The following CDH8 variants were observed in gnomAD, a reference collection of about 807,000 sequenced individuals.
CDH8 encodes cadherin 8.
CDH8 carries 17 observed loss-of-function variants against 68.1 expected under a neutral mutation model. That is an observed-to-expected ratio of 0.25 (90% CI 0.17 to 0.37). The LOEUF is 0.37. Ranked by LOEUF, CDH8 falls within the 10% of genes least tolerant of loss-of-function variation. CDH8 has a pLI of 1.00. For synonymous variants in CDH8, 372 were observed against 365.1 expected (o/e 1.02, Z -0.21); for missense variants, 763 against 999.3 (o/e 0.76, Z 3.19).
intron 2 of CDH8, among the ~76,000 whole-genome samples, chr16:61,935,212 T>C (rs1304846539): frequency 6.6e-6 from 1 of 152,184 alleles, no homozygotes; most frequent in Non-Finnish European, 1.5e-5. Flanking sequence ...CTGATAAATG[T>C]CAAGCTGGGA....
At chr16:61,717,993 G>A (rs1964763022) in intron 9 of CDH8, among the ~76,000 whole-genome samples, 1 of 151,260 alleles carries the variant, frequency 6.6e-6, no homozygotes, top group African/African-American at 2.4e-5. Context: ...ACATACATGT[G>A]TGTATGTACA....
At chr16:61,678,704 A>T (rs1963960351) in intron 10 of CDH8, among the ~76,000 whole-genome samples, 1 of 152,076 alleles carries the variant, frequency 6.6e-6, no homozygotes, top group Non-Finnish European at 1.5e-5. Context: ...TAACAAAAAT[A>T]GCATGATACT....
chr16:61,815,398 G>T (rs116003565), intron 7 of CDH8, among the ~76,000 whole-genome samples: 6,850 of 152,246 alleles, frequency 0.045, 176 homozygotes, highest in Middle Eastern at 0.068. Flanking sequence ...TCAGTAAAAT[G>T]AATAGATTAT....
intron 7 of CDH8, among the ~76,000 whole-genome samples, chr16:61,811,318 G>A (rs754318253): frequency 5.9e-5 from 9 of 152,106 alleles, no homozygotes; most frequent in South Asian, 2.1e-4. Context: ...TGAGTTTTTC[G>A]AAACAGTGTT....
chr16:61,710,355 C>T (rs535345096), intron 10 of CDH8, among the ~76,000 whole-genome samples: 11 of 152,202 alleles, frequency 7.2e-5, no homozygotes, highest in African/African-American at 2.6e-4. Context: ...ATAAATTATA[C>T]TCTATACAGT....
rs186093823 is a variant in CDH8, at chr16:61,942,437, C to T, written c.253-40964G>A. 9.8e-5 allele frequency among the ~76,000 whole-genome samples: 15 copies of T among 152,316 alleles called. No homozygotes were observed. In the East Asian group the frequency reaches 2.5e-3, roughly 25 times the overall value. On this transcript the variant is annotated intron_variant, in intron 2 of 11. Coordinates refer to ENST00000577390, the MANE Select transcript of CDH8 (RefSeq NM_001796.5). ...GCTTGAGCCTAAGAGTTGCAGGTTA[C>T]AGTGAGCTGTAATCCTACATCTGCA...
intron 2 of CDH8, among the ~76,000 whole-genome samples, chr16:61,919,182 G>C (rs892100578): frequency 7.6e-5 from 11 of 145,242 alleles, no homozygotes; most frequent in African/African-American, 2.8e-4. Flanking sequence ...CATCATCAAA[G>C]ACCAAAAGTA....
intron 2 of CDH8, among the ~76,000 whole-genome samples, chr16:62,000,727 C>G (rs1965880589): frequency 6.6e-6 from 1 of 152,114 alleles, no homozygotes. Context: ...TGAAGTTTTT[C>G]TCATTTCACT....
intron 2 of CDH8, among the ~76,000 whole-genome samples, chr16:61,942,724 C>A (rs969952507): frequency 3.9e-5 from 6 of 152,128 alleles, no homozygotes; most frequent in Admixed American, 3.9e-4. Flanking sequence ...TCATTACTCC[C>A]CCTTTTCTTT....
intron 4 of CDH8, among the ~76,000 whole-genome samples, chr16:61,848,709 T>C (rs1438331193): frequency 3.3e-5 from 5 of 152,098 alleles, no homozygotes; most frequent in Middle Eastern, 3.2e-3. Context: ...TACATCTGTA[T>C]ATATTGAGCG....
chr16:61,924,552 T>C (rs1035638880), intron 2 of CDH8, among the ~76,000 whole-genome samples: 2 of 152,190 alleles, frequency 1.3e-5, no homozygotes, highest in Non-Finnish European at 2.9e-5. Context: ...ATAAGCTTGC[T>C]AGACTTCATC....
chr16:61,868,048 G>A (rs1963288634), intron 3 of CDH8, among the ~76,000 whole-genome samples: 1 of 152,054 alleles, frequency 6.6e-6, no homozygotes, highest in South Asian at 2.1e-4. Context: ...TGTTATACAA[G>A]TGCTGAGAAC....
chr16:61,970,479 C>G (rs567125458), intron 2 of CDH8, among the ~76,000 whole-genome samples: 92 of 151,982 alleles, frequency 6.1e-4, no homozygotes, highest in Non-Finnish European at 9.1e-4. Flanking sequence ...TTACATTGTA[C>G]GCCTTAAAAA....
rs184639957 is a variant in CDH8, at chr16:61,715,280, T to C, written c.1537-1322A>G. On this transcript the variant is annotated intron_variant, in intron 9 of 11. Coordinates refer to ENST00000577390, the MANE Select transcript of CDH8 (RefSeq NM_001796.5). Reference sequence around the variant, plus strand: ...ATAAAATAATTTAAAGTATAACTCATGGTTAAGACAGTGAGATAGTCATCA... The same window carrying C: ...ATAAAATAATTTAAAGTATAACTCACGGTTAAGACAGTGAGATAGTCATCA... Among the ~76,000 whole-genome samples, 28 of 151,686 alleles carry C rather than the reference T, an allele frequency of 1.8e-4. No homozygotes were observed. In the East Asian group the frequency reaches 4.5e-3, roughly 24 times the overall value.
chr16:61,659,520 G>A (rs1963514023), intron 10 of CDH8, among the ~76,000 whole-genome samples: 1 of 152,234 alleles, frequency 6.6e-6, no homozygotes, highest in South Asian at 2.1e-4. Flanking sequence ...ATGGTCAAGA[G>A]GCAGGGACTC....
intron 3 of CDH8, among the ~76,000 whole-genome samples, chr16:61,857,487 C>G (rs1245852559): frequency 6.6e-6 from 1 of 152,012 alleles, no homozygotes; most frequent in East Asian, 1.9e-4. Context: ...TACTTTGTAG[C>G]TTTCATTTTA....
chr16:61,990,991 A>G (rs1324875732), intron 2 of CDH8, among the ~76,000 whole-genome samples: 1 of 151,598 alleles, frequency 6.6e-6, no homozygotes, highest in Non-Finnish European at 1.5e-5. Flanking sequence ...GGAAGGAAGA[A>G]AGGGAGGAAG....
At chr16:61,725,382 T>A (rs1304024899) in intron 9 of CDH8, 1 of 150,850 alleles carries the variant, frequency 6.6e-6, no homozygotes, top group African/African-American at 2.4e-5. Flanking sequence ...GTGAAGCCAA[T>A]GTTGAGTTTT....
chr16:61,981,794 A>T (rs1203157753), intron 2 of CDH8, among the ~76,000 whole-genome samples: 1 of 152,168 alleles, frequency 6.6e-6, no homozygotes, highest in Non-Finnish European at 1.5e-5. Flanking sequence ...TAATATAATA[A>T]AGAATCTCAG....
Sources: gnomAD v4.1 joint callset for allele counts (sites outside exome capture counted in the v4.1 genomes callset) on GRCh38, gnomAD v4.1.1 for gene constraint, MANE v1.5 for transcripts, NCBI Gene and HGNC (gene_info 2026-07-23, HGNC 2026-07-21) for gene names.